The following THADA variants were observed in gnomAD, a reference collection of about 807,000 sequenced individuals.
THADA encodes tRNA (32-2'-O)-methyltransferase regulator THADA.
A neutral mutation model predicts 219.8 loss-of-function variants in THADA; 213 were observed. The observed-to-expected ratio is 0.97, with a 90% CI of 0.87 to 1.09. The LOEUF (loss-of-function observed/expected upper bound fraction) is 1.09, where lower values mean the gene tolerates loss of function less well. Ranked by LOEUF, THADA falls within the 50% of genes least tolerant of loss-of-function variation. THADA has a pLI of 0.00. For missense variants in THADA, 2,956 were observed against 2,311.3 expected (o/e 1.28, Z -5.72); for synonymous variants, 1,018 against 828.9 (o/e 1.23, Z -3.92).
At chr2:43,594,044 AC>A (rs1166202711) in intron 1 of THADA, among the ~76,000 whole-genome samples, 1 of 152,154 alleles carries the variant, frequency 6.6e-6, no homozygotes, top group Non-Finnish European at 1.5e-5. Context: ...GGACTGGGCT[AC>A]CTTTTAAACA....
chr2:43,412,598 C>G (rs1292156566), intron 28 of THADA, among the ~76,000 whole-genome samples: 3 of 152,142 alleles, frequency 2.0e-5, no homozygotes, highest in African/African-American at 7.2e-5. Context: ...CTCCACTCCC[C>G]TATATACTTC....
intron 22 of THADA, among the ~76,000 whole-genome samples, chr2:43,520,937 G>T (rs1468299706): frequency 8.0e-6 from 1 of 124,762 alleles, no homozygotes; most frequent in Non-Finnish European, 1.7e-5. Flanking sequence ...GAAAGGGAAG[G>T]AGGGAGGGAG....
intron 16 of THADA, among the ~76,000 whole-genome samples, chr2:43,558,635 A>T (rs2103924357): frequency 6.6e-6 from 1 of 152,312 alleles, no homozygotes; most frequent in African/African-American, 2.4e-5. Flanking sequence ...GCGCTGGAAC[A>T]TCAGACTCTT....
chr2:43,420,663 C>G (rs1409424250), intron 28 of THADA, among the ~76,000 whole-genome samples: 1 of 152,198 alleles, frequency 6.6e-6, no homozygotes, highest in Non-Finnish European at 1.5e-5. Flanking sequence ...ACTCCTCATT[C>G]CTTCTGCTCA....
At chr2:43,294,722 C>T (rs1279336016) in intron 31 of THADA, among the ~76,000 whole-genome samples, 4 of 151,928 alleles carry the variant, frequency 2.6e-5, no homozygotes, top group South Asian at 2.1e-4. Context: ...ACTACTGCAC[C>T]GTAGTCCAGG....
intron 21 of THADA, among the ~76,000 whole-genome samples, chr2:43,531,849 T>A (rs1218899341): frequency 1.3e-5 from 2 of 152,148 alleles, no homozygotes; most frequent in Admixed American, 1.3e-4. Context: ...CTTTTCCTTT[T>A]TTTCGACTCA....
At chr2:43,498,702 T>G (rs1469406279) in intron 25 of THADA, 131 bp downstream of exon 25, 1 of 1,042,404 alleles carries the variant, frequency 9.6e-7, no homozygotes, top group African/African-American at 1.6e-5. Flanking sequence ...TGTAGCTTGA[T>G]CCAAAGATTT....
chr2:43,423,217 T>C (rs1046498790), intron 28 of THADA, among the ~76,000 whole-genome samples: 7 of 152,316 alleles, frequency 4.6e-5, no homozygotes, highest in East Asian at 1.9e-4. Context: ...ACAAATTTGA[T>C]AAGCATGCAA....
chr2:43,541,387 T>C lies in THADA; in HGVS notation c.3107-71A>G, dbSNP rs547633525. ...TCCCAGGTTTCTAAAAACAAGCTTA[T>C]TCATAATTTCCCCAAGAATAATCTG... is the stretch of plus-strand genomic sequence containing the variant. On this transcript the variant is annotated intron_variant, in intron 20 of 37. Transcript: ENST00000405975. 5.1e-6 allele frequency: 8 copies of C among 1,562,842 alleles called. No homozygotes were observed. The South Asian group carries it at 9.2e-5, about 18-fold the overall frequency.
intron 30 of THADA, among the ~76,000 whole-genome samples, chr2:43,327,240 T>C (rs997987246): frequency 2.6e-5 from 4 of 152,144 alleles, no homozygotes; most frequent in Non-Finnish European, 4.4e-5. Flanking sequence ...GGGGTAGTTC[T>C]CTTATCTTAG....
chr2:43,375,431 A>AT (rs1393824609), intron 29 of THADA, among the ~76,000 whole-genome samples: 2 of 152,194 alleles, frequency 1.3e-5, no homozygotes, highest in East Asian at 3.8e-4. Flanking sequence ...ATAACACAGT[A>AT]TTTTCTCTCT....
chr2:43,348,681 C>G (rs987289656), intron 29 of THADA, among the ~76,000 whole-genome samples: 1 of 151,980 alleles, frequency 6.6e-6, no homozygotes, highest in African/African-American at 2.4e-5. Context: ...GGAGTTAAGG[C>G]GCAGGAAAGA....
At chr2:43,459,342 A>G (rs914167094) in intron 26 of THADA, among the ~76,000 whole-genome samples, 1 of 151,442 alleles carries the variant, frequency 6.6e-6, no homozygotes, top group East Asian at 1.9e-4. Flanking sequence ...GACTCCCCCA[A>G]TCCCAGATTA....
intron 2 of THADA, 135 bp downstream of exon 2, chr2:43,592,182 G>A: frequency 2.0e-6 from 2 of 1,018,002 alleles, no homozygotes; most frequent in Non-Finnish European, 2.8e-6. Context: ...AGAATTTTAA[G>A]AAAATTGTTT....
At chr2:43,488,276 C>T (rs190115702) in intron 25 of THADA, among the ~76,000 whole-genome samples, 1 of 152,320 alleles carries the variant, frequency 6.6e-6, no homozygotes, top group East Asian at 1.9e-4. Flanking sequence ...GCTATCACCA[C>T]TAACCAAATT....
chr2:43,279,837 G>T lies in THADA; in HGVS notation c.5224C>A (p.Gln1742Lys). 1 of 1,565,562 alleles carries T rather than the reference G, an allele frequency of 6.4e-7. No individual in the cohort carries two copies. The highest frequency in any genetic ancestry group is 1.2e-5 in the South Asian group (1 of 83,970). Residue 1742 changes from glutamine to lysine, a missense_variant, in exon 36 of 38, where the codon CAA (glutamine) becomes AAA (lysine). Coordinates refer to ENST00000405975, the MANE Select transcript of THADA (RefSeq NM_022065.5). Reference sequence around the variant, plus strand: ...TCCGTGGCTGCATCTCTAACAGCTTGCTCCTCACTCTGCAGAAGGGTAAGG... The same window carrying T: ...TCCGTGGCTGCATCTCTAACAGCTTTCTCCTCACTCTGCAGAAGGGTAAGG... Reference protein sequence around the residue: ...CVLTLLQSEEQAVRDAATETV... With the variant: ...CVLTLLQSEEKAVRDAATETV...
At chr2:43,293,770 C>T (rs565825755) in intron 31 of THADA, among the ~76,000 whole-genome samples, 1 of 152,306 alleles carries the variant, frequency 6.6e-6, no homozygotes, top group South Asian at 2.1e-4. Context: ...ATTCTTGTGT[C>T]CCCTCTGTCT....
intron 22 of THADA, among the ~76,000 whole-genome samples, chr2:43,521,153 AG>A (rs1692413116): frequency 7.4e-6 from 1 of 135,418 alleles, no homozygotes; most frequent in South Asian, 2.8e-4. Context: ...AAGGGAGGGA[AG>A]GAAGGGAAGG....
chr2:43,457,402 T>TA lies in THADA; in HGVS notation c.3837-27101dup, dbSNP rs549817930. The stretch of plus-strand genomic sequence containing the variant: ...TTGGAAAAGGAAACCGTATTTCTCA[T>TA]AATTATTTGTAATTACAACAGACTT... On this transcript the variant is annotated intron_variant, in intron 26 of 37. Transcript: ENST00000405975. Among the ~76,000 whole-genome samples, 23 of 152,324 alleles carry TA rather than the reference T, an allele frequency of 1.5e-4. No homozygotes were observed. In the East Asian group the frequency reaches 4.4e-3, roughly 29 times the overall value.
Sources: allele counts gnomAD v4.1 joint callset (sites outside exome capture counted in the v4.1 genomes callset), GRCh38; gene constraint gnomAD v4.1.1; transcripts MANE v1.5; gene names NCBI Gene and HGNC (gene_info 2026-07-23, HGNC 2026-07-21).